GALNT17: variants seen among roughly 807,000 people sequenced by gnomAD.
The protein encoded by GALNT17 is UDP-GalNAc:polypeptide N-acetylgalactosaminyltransferase-like 3.
GALNT17 carries 29 observed loss-of-function variants against 63.7 expected under a neutral mutation model. That is an observed-to-expected ratio of 0.46 (90% CI 0.34 to 0.62). The LOEUF (loss-of-function observed/expected upper bound fraction) is 0.62, where lower values mean the gene tolerates loss of function less well. Among genes scored for constraint, GALNT17 ranks in the 20% least tolerant of loss-of-function variants. GALNT17 has a pLI of 0.01. For synonymous variants in GALNT17, 305 were observed against 318.3 expected (o/e 0.96, Z 0.45); for missense variants, 603 against 799.6 (o/e 0.75, Z 2.97).
intron 9 of GALNT17, among the ~76,000 whole-genome samples, chr7:71,687,672 A>T (rs1442586408): frequency 6.6e-6 from 1 of 152,118 alleles, no homozygotes; most frequent in Admixed American, 6.6e-5. Flanking sequence ...AAATCAGGGG[A>T]TCTGTAGACC....
chr7:71,434,225 T>C (rs151054666), intron 5 of GALNT17, among the ~76,000 whole-genome samples: 54 of 152,344 alleles, frequency 3.5e-4, no homozygotes, highest in African/African-American at 1.2e-3. Context: ...CTTGTGATCA[T>C]GTGAGTCAAT....
intron 6 of GALNT17, among the ~76,000 whole-genome samples, chr7:71,620,044 G>T (rs1790269127): frequency 6.6e-6 from 1 of 152,148 alleles, no homozygotes; most frequent in African/African-American, 2.4e-5. Flanking sequence ...CTATTGAGAT[G>T]ATTGTATGGT....
At chr7:71,426,926 C>CA (rs900796936) in intron 5 of GALNT17, among the ~76,000 whole-genome samples, 8 of 148,076 alleles carry the variant, frequency 5.4e-5, no homozygotes, top group Non-Finnish European at 9.0e-5. Context: ...GACTCCGTCT[C>CA]AAAAAAAAAG....
intron 2 of GALNT17, among the ~76,000 whole-genome samples, chr7:71,372,292 G>A (rs547797620): frequency 6.6e-6 from 1 of 152,256 alleles, no homozygotes; most frequent in East Asian, 1.9e-4. Flanking sequence ...AGCCTCCTGA[G>A]TAGCTGGGAT....
At chr7:71,296,595 A>T (rs1791083146) in intron 1 of GALNT17, among the ~76,000 whole-genome samples, 1 of 151,198 alleles carries the variant, frequency 6.6e-6, no homozygotes, top group Admixed American at 6.6e-5. Context: ...CAGCCTGGGC[A>T]ACAGAGCGAG....
At chr7:71,298,142 TCCTGA>T (rs1791117172) in intron 1 of GALNT17, among the ~76,000 whole-genome samples, 1 of 152,180 alleles carries the variant, frequency 6.6e-6, no homozygotes, top group Non-Finnish European at 1.5e-5. Context: ...TGCCTCAGCC[TCCTGA>T]GTAGCTGGGA....
chr7:71,365,477 T>G (rs889688719), intron 2 of GALNT17, among the ~76,000 whole-genome samples: 3 of 152,204 alleles, frequency 2.0e-5, no homozygotes, highest in African/African-American at 7.2e-5. Flanking sequence ...TGACCTGTGG[T>G]GATCCACCCG....
chr7:71,338,352 T>C lies in GALNT17; in HGVS notation c.422+2619T>C, dbSNP rs1013478631. ...AAAAAAAAAATAAATAAATAAAAAA[T>C]AAATAAATATATATATATATAAATT... On this transcript the variant is annotated intron_variant, in intron 2 of 10. Transcript: ENST00000333538. Among the ~76,000 whole-genome samples the C allele has an allele frequency of 2.3e-5, 3 of 130,330 alleles. No homozygotes were observed. The Admixed American group carries it at 2.4e-4, about 10-fold the overall frequency. 85.5% of individuals were successfully genotyped at this position (130,330 alleles called of 152,430 possible).
intron 9 of GALNT17, among the ~76,000 whole-genome samples, chr7:71,701,167 G>A (rs1169895394): frequency 6.6e-6 from 1 of 152,070 alleles, no homozygotes; most frequent in Admixed American, 6.6e-5. Context: ...TTTTAAATAA[G>A]ATGATCAAGG....
chr7:71,328,590 A>G (rs1327781138), intron 1 of GALNT17, among the ~76,000 whole-genome samples: 1 of 151,230 alleles, frequency 6.6e-6, no homozygotes, highest in Non-Finnish European at 1.5e-5. Flanking sequence ...TTGAACTCTT[A>G]TTTATCTTTG....
At chr7:71,591,513 C>T (rs1420285459) in intron 6 of GALNT17, among the ~76,000 whole-genome samples, 1 of 152,228 alleles carries the variant, frequency 6.6e-6, no homozygotes, top group African/African-American at 2.4e-5. Context: ...CAATTTCTTA[C>T]ATTTTCAGAG....
chr7:71,403,421 G>A (rs1793273247), intron 3 of GALNT17, among the ~76,000 whole-genome samples: 1 of 152,180 alleles, frequency 6.6e-6, no homozygotes, highest in African/African-American at 2.4e-5. Flanking sequence ...ATGTTCAGCT[G>A]GAATGTGCTA....
intron 1 of GALNT17, among the ~76,000 whole-genome samples, chr7:71,147,567 T>G (rs1171858901): frequency 6.6e-6 from 1 of 152,184 alleles, no homozygotes; most frequent in African/African-American, 2.4e-5. Context: ...TCCAATCAGA[T>G]TGACACTCAG....
chr7:71,699,065 G>A (rs565772275), intron 9 of GALNT17, among the ~76,000 whole-genome samples: 63 of 151,286 alleles, frequency 4.2e-4, no homozygotes, highest in Admixed American at 3.6e-3. Context: ...CCACCTACTC[G>A]GGAGGCTGAG....
intron 5 of GALNT17, among the ~76,000 whole-genome samples, chr7:71,435,669 C>A (rs1786945957): frequency 6.6e-6 from 1 of 152,068 alleles, no homozygotes; most frequent in South Asian, 2.1e-4. Flanking sequence ...CATCTCCGAC[C>A]CAACCAATCA....
At chr7:71,534,206 A>C (rs754285737) in intron 5 of GALNT17, among the ~76,000 whole-genome samples, 6 of 152,172 alleles carry the variant, frequency 3.9e-5, no homozygotes, top group Non-Finnish European at 8.8e-5. Flanking sequence ...AGGCCTCGGG[A>C]AACTTACAAT....
intron 9 of GALNT17, among the ~76,000 whole-genome samples, chr7:71,708,041 C>A (rs973465480): frequency 6.6e-6 from 1 of 152,184 alleles, no homozygotes; most frequent in Non-Finnish European, 1.5e-5. Context: ...GAGCATAAAG[C>A]AAGTACTAGG....
intron 1 of GALNT17, among the ~76,000 whole-genome samples, chr7:71,141,098 G>T (rs1787881370): frequency 6.6e-6 from 1 of 151,718 alleles, no homozygotes; most frequent in African/African-American, 2.4e-5. Flanking sequence ...GCCAGGCGTG[G>T]TGACTCACGC....
At chr7:71,673,081 A>G (rs1791095826) in intron 8 of GALNT17, among the ~76,000 whole-genome samples, 1 of 152,206 alleles carries the variant, frequency 6.6e-6, no homozygotes, top group African/African-American at 2.4e-5. Context: ...GTAATATGAA[A>G]AAAATCATAT....
Sources: allele counts gnomAD v4.1 joint callset (sites outside exome capture counted in the v4.1 genomes callset), GRCh38; gene constraint gnomAD v4.1.1; transcripts MANE v1.5; gene names NCBI Gene and HGNC (gene_info 2026-07-23, HGNC 2026-07-21).